The following KHDRBS3 variants were observed in gnomAD, a reference collection of about 807,000 sequenced individuals.
The protein encoded by KHDRBS3 is KH domain-containing, RNA-binding, signal transduction-associated protein 3.
In KHDRBS3, 23 loss-of-function variants were observed where a neutral mutation model predicts 45.6. The observed-to-expected ratio is 0.50, with a 90% CI of 0.36 to 0.72. The LOEUF (loss-of-function observed/expected upper bound fraction) is 0.72. KHDRBS3 is among the 30% of genes least tolerant of loss of function. The pLI, the probability that KHDRBS3 is intolerant of heterozygous loss-of-function variation, is 0.00. For synonymous variants in KHDRBS3, 162 were observed against 156.5 expected (o/e 1.04, Z -0.26); for missense variants, 352 against 424.8 (o/e 0.83, Z 1.51).
chr8:135,641,335 T>G (rs1831049158), intron 7 of KHDRBS3, among the ~76,000 whole-genome samples: 1 of 152,206 alleles, frequency 6.6e-6, no homozygotes, highest in African/African-American at 2.4e-5. Context: ...TCATTTACAG[T>G]TCCAAGTTAA....
At chr8:135,481,661 C>G (rs1371122941) in intron 1 of KHDRBS3, among the ~76,000 whole-genome samples, 1 of 152,164 alleles carries the variant, frequency 6.6e-6, no homozygotes, top group African/African-American at 2.4e-5. Flanking sequence ...ATAACTAGGT[C>G]AGAGTTAATC....
chr8:135,609,338 A>G (rs1357694674), intron 7 of KHDRBS3, among the ~76,000 whole-genome samples: 1 of 149,504 alleles, frequency 6.7e-6, no homozygotes, highest in African/African-American at 2.5e-5. Flanking sequence ...TCTGTCACCC[A>G]GGCTGGAATG....
chr8:135,536,515 G>C (rs974746140), intron 2 of KHDRBS3, among the ~76,000 whole-genome samples: 3 of 152,078 alleles, frequency 2.0e-5, no homozygotes, highest in Non-Finnish European at 4.4e-5. Flanking sequence ...AAGCAGAGGT[G>C]TAATATGGGC....
intron 5 of KHDRBS3, among the ~76,000 whole-genome samples, chr8:135,558,991 C>T (rs1827033002): frequency 6.6e-6 from 1 of 152,178 alleles, no homozygotes; most frequent in South Asian, 2.1e-4. Flanking sequence ...CCTCTCCGTC[C>T]TCACACTGCC....
At chr8:135,514,005 A>G (rs10092358) in intron 1 of KHDRBS3, among the ~76,000 whole-genome samples, 55,243 of 152,020 alleles carry the variant, frequency 0.36, 11,426 homozygotes, top group South Asian at 0.54. Context: ...CTGTCTCCTG[A>G]TATCACACAA....
chr8:135,609,245 A>G (rs1294629391), intron 7 of KHDRBS3, among the ~76,000 whole-genome samples: 10 of 152,050 alleles, frequency 6.6e-5, no homozygotes, highest in Non-Finnish European at 1.2e-4. Flanking sequence ...AGCTGTACAA[A>G]TACATTTCTT....
chr8:135,652,193 G>C (rs973739941), downstream of KHDRBS3, among the ~76,000 whole-genome samples: 1 of 152,200 alleles, frequency 6.6e-6, no homozygotes, highest in Admixed American at 6.5e-5. Flanking sequence ...GCCTGATTCT[G>C]TTTCTATTTC....
intron 6 of KHDRBS3, among the ~76,000 whole-genome samples, chr8:135,605,142 T>C (rs1420537293): frequency 2.0e-5 from 3 of 152,126 alleles, no homozygotes; most frequent in Non-Finnish European, 4.4e-5. Flanking sequence ...TTGGAGATTA[T>C]TGAGCTTCTT....
At chr8:135,470,699 C>T (rs1821974227) in intron 1 of KHDRBS3, among the ~76,000 whole-genome samples, 1 of 151,922 alleles carries the variant, frequency 6.6e-6, no homozygotes, top group Admixed American at 6.6e-5. Flanking sequence ...GATTATCCTG[C>T]CTCAGCCTCC....
chr8:135,458,725 G>T (rs1439338762), intron 1 of KHDRBS3: 5 of 380,212 alleles, frequency 1.3e-5, no homozygotes, highest in African/African-American at 4.2e-5. Context: ...CTGGCTTGAG[G>T]TTCGGAATAG....
intron 1 of KHDRBS3, among the ~76,000 whole-genome samples, chr8:135,470,666 A>G (rs1586561288): frequency 1.3e-5 from 2 of 151,014 alleles, no homozygotes; most frequent in African/African-American, 4.9e-5. Context: ...GCTCACTGCA[A>G]CCTCTGCCTC....
chr8:135,538,916 T>TC (rs1586686300), intron 2 of KHDRBS3: 1 of 152,308 alleles, frequency 6.6e-6, no homozygotes, highest in South Asian at 2.1e-4. Flanking sequence ...AAGGATTTTT[T>TC]CTTTAAAAAA....
intron 1 of KHDRBS3, among the ~76,000 whole-genome samples, chr8:135,466,022 T>G (rs1821679084): frequency 6.6e-6 from 1 of 152,228 alleles, no homozygotes; most frequent in Non-Finnish European, 1.5e-5. Context: ...GTTTGTGCCG[T>G]TTGTGCTCTG....
chr8:135,600,867 T>C (rs1829180215), intron 6 of KHDRBS3, among the ~76,000 whole-genome samples: 1 of 152,030 alleles, frequency 6.6e-6, no homozygotes, highest in South Asian at 2.1e-4. Context: ...CCTGGCTAAG[T>C]TTTGTATTTT....
chr8:135,544,853 A>G (rs1826213940), intron 3 of KHDRBS3, among the ~76,000 whole-genome samples: 1 of 152,068 alleles, frequency 6.6e-6, no homozygotes, highest in Non-Finnish European at 1.5e-5. Flanking sequence ...GGAGGGGAGT[A>G]GCATACATTG....
intron 7 of KHDRBS3, among the ~76,000 whole-genome samples, chr8:135,620,340 G>A (rs746498369): frequency 2.0e-5 from 3 of 152,010 alleles, no homozygotes; most frequent in African/African-American, 7.2e-5. Flanking sequence ...AGTTCAAAGC[G>A]ATCTGTCCGC....
At chr8:135,585,460 C>G (rs2130939103) in intron 6 of KHDRBS3, among the ~76,000 whole-genome samples, 1 of 152,158 alleles carries the variant, frequency 6.6e-6, no homozygotes, top group South Asian at 2.1e-4. Context: ...TAGGCACTCT[C>G]CCCCTGCCTC....
intron 1 of KHDRBS3, among the ~76,000 whole-genome samples, chr8:135,463,392 C>A (rs771491413): frequency 2.0e-5 from 3 of 152,098 alleles, no homozygotes; most frequent in Non-Finnish European, 4.4e-5. Flanking sequence ...CTGCCCATAT[C>A]AATGAAAGAA....
rs1036855686 is a variant in KHDRBS3 at position 135,578,253 on chromosome 8, C to A, written c.612-3625C>A. ...TATAATTTTAACAAAGTAGAACTTACCAATTTTTCTTTCAAGGACTTTTTT... is the reference window on the plus strand; with the variant it reads ...TATAATTTTAACAAAGTAGAACTTAACAATTTTTCTTTCAAGGACTTTTTT... On this transcript the variant is annotated intron_variant, in intron 5 of 8. Transcript: ENST00000355849. 3.3e-5 allele frequency among the ~76,000 whole-genome samples: 5 copies of A among 152,046 alleles called. 1 individual carries two copies. The highest frequency in any genetic ancestry group is 1.2e-4 in the African/African-American group (5 of 41,412).
Sources: gnomAD v4.1 joint callset for allele counts (sites outside exome capture counted in the v4.1 genomes callset) on GRCh38, gnomAD v4.1.1 for gene constraint, MANE v1.5 for transcripts, NCBI Gene and HGNC (gene_info 2026-07-23, HGNC 2026-07-21) for gene names.